ESRRB: variants seen among roughly 807,000 people sequenced by gnomAD.
ESRRB encodes the protein steroid hormone receptor ERR2.
In ESRRB, 16 loss-of-function variants were observed where a neutral mutation model predicts 46.0. The observed-to-expected ratio is 0.35, with a 90% CI of 0.24 to 0.53. The LOEUF is 0.53. ESRRB is among the 20% of genes least tolerant of loss of function. ESRRB has a pLI of 0.93. For synonymous variants in ESRRB, 246 were observed against 259.6 expected (o/e 0.95, Z 0.50); for missense variants, 488 against 607.4 (o/e 0.80, Z 2.07).
chr14:76,491,402 G>C lies in ESRRB; in HGVS notation c.851-45G>C, dbSNP rs2361292. On this transcript the variant is annotated intron_variant, in intron 5 of 6. Coordinates refer to ENST00000644823, the MANE Select transcript of ESRRB (RefSeq NM_001379180.1). ...CGAGCCCCAGGGAGGCCCCTGGTCC[G>C]CCCTCCTGACCTGCTGCTGCCCTCT... The C allele has an allele frequency of 0.36, 576,949 of 1,595,078 alleles. 105,880 individuals are homozygous for C. The highest frequency in any genetic ancestry group is 0.44 in the African/African-American group (32,518 of 74,684).
At chr14:76,414,679 A>AC (rs1429654925) in intron 1 of ESRRB, among the ~76,000 whole-genome samples, 111 of 142,376 alleles carry the variant, frequency 7.8e-4, no homozygotes, top group African/African-American at 2.9e-3. Flanking sequence ...AAAAAAAAAA[A>AC]AAAAAAAAAA....
At chr14:76,363,941 C>T (rs1001176823) in intron 1 of ESRRB, among the ~76,000 whole-genome samples, 7 of 152,144 alleles carry the variant, frequency 4.6e-5, no homozygotes, top group Non-Finnish European at 7.3e-5. Flanking sequence ...ATTTTCTCCT[C>T]AGTAAATAAA....
Position 76,439,598 on chromosome 14 carries a change from G to C in ESRRB, c.308G>C (p.Gly103Ala). The C allele has an allele frequency of 6.2e-7, 1 of 1,614,212 alleles. No homozygotes were observed. The highest frequency in any genetic ancestry group is 8.5e-7 in the Non-Finnish European group (1 of 1,180,026). ...AAGAGCTACGAGGACTGTGCCAGCG[G>C]CATCATGGAGGACTCGGCCATCAAG... is the stretch of plus-strand genomic sequence containing the variant. ...CRKSYEDCAS[G>A]IMEDSAIKCE... The change falls in exon 2 of 7, where the codon GGC becomes GCC. Residue 103 changes from glycine (G) to alanine (A), a missense_variant. By Grantham distance (60) the Gly-to-Ala change is moderately conservative. Coordinates refer to ENST00000644823, the MANE Select transcript of ESRRB (RefSeq NM_001379180.1).
At chr14:76,406,977 C>T (rs1405444616) in intron 1 of ESRRB, among the ~76,000 whole-genome samples, 2 of 152,248 alleles carry the variant, frequency 1.3e-5, no homozygotes, top group Non-Finnish European at 2.9e-5. Context: ...CACCTAAAGG[C>T]TCCACAATAA....
chr14:76,324,508 C>T (rs189849273), intron 1 of ESRRB, among the ~76,000 whole-genome samples: 2 of 152,278 alleles, frequency 1.3e-5, no homozygotes, highest in East Asian at 3.9e-4. Flanking sequence ...CATCCCCTCC[C>T]TCTCTGTGGG....
rs1195430376 is a variant in ESRRB, at chr14:76,317,308, CTCTGTGTGTGTG to C, written c.2+6394_2+6405del. Among the ~76,000 whole-genome samples the C allele has an allele frequency of 1.4e-3, 171 of 125,234 alleles. 2 individuals carry two copies. The highest frequency in any genetic ancestry group is 5.3e-3 in the African/African-American group (166 of 31,092). 82.2% of individuals were successfully genotyped at this position (125,234 alleles called of 152,430 possible). On this transcript the variant is annotated intron_variant, in intron 1 of 6. Transcript: ENST00000512784. ...AGGAGTAAAATTATTGCTGATTAGG[CTCTGTGTGTGTG>C]TGTGTGTGTGTGTGTGTGTGTGTGT...
At chr14:76,318,655 G>A (rs755200661) in intron 1 of ESRRB, among the ~76,000 whole-genome samples, 3 of 152,146 alleles carry the variant, frequency 2.0e-5, no homozygotes, top group Non-Finnish European at 2.9e-5. Flanking sequence ...GAGTTGTTGC[G>A]AGAATTAAAG....
At chr14:76,368,828 A>T (rs561226003), upstream of ESRRB, among the ~76,000 whole-genome samples, 4 of 152,282 alleles carry the variant, frequency 2.6e-5, no homozygotes, top group East Asian at 7.7e-4. Flanking sequence ...CACCAATGGG[A>T]CTGTTTTAAT....
At chr14:76,331,043 A>G (rs1177185294) in intron 1 of ESRRB, among the ~76,000 whole-genome samples, 1 of 152,094 alleles carries the variant, frequency 6.6e-6, no homozygotes, top group Admixed American at 6.5e-5. Context: ...CCTTGCTCAC[A>G]CTGGAACTTG....
At chr14:76,392,739 C>T (rs1248725913) in intron 1 of ESRRB, among the ~76,000 whole-genome samples, 3 of 152,228 alleles carry the variant, frequency 2.0e-5, no homozygotes, top group African/African-American at 7.2e-5. Flanking sequence ...GGCCTCATCC[C>T]AGTATGGCTG....
chr14:76,472,909 C>T (rs1443970445), intron 3 of ESRRB, among the ~76,000 whole-genome samples: 1 of 152,228 alleles, frequency 6.6e-6, no homozygotes, highest in East Asian at 1.9e-4. Flanking sequence ...CCAGACCTGG[C>T]ACATAATTAG....
intron 3 of ESRRB, among the ~76,000 whole-genome samples, chr14:76,464,503 G>C (rs995768035): frequency 6.6e-6 from 1 of 152,126 alleles, no homozygotes; most frequent in Non-Finnish European, 1.5e-5. Flanking sequence ...GCAGGCCCTC[G>C]GCGGCCTTTG....
chr14:76,461,197 C>T (rs560568126), intron 2 of ESRRB, among the ~76,000 whole-genome samples: 1 of 152,272 alleles, frequency 6.6e-6, no homozygotes, highest in Admixed American at 6.5e-5. Context: ...GCTGGAAGGT[C>T]AGTTCAACCT....
chr14:76,313,533 G>T (rs561506360), intron 1 of ESRRB, among the ~76,000 whole-genome samples: 1 of 152,312 alleles, frequency 6.6e-6, no homozygotes, highest in South Asian at 2.1e-4. Flanking sequence ...ATTGGGGACA[G>T]TGGGGGCAAT....
At chr14:76,361,427 T>C (rs1318320081) in intron 1 of ESRRB, among the ~76,000 whole-genome samples, 2 of 152,148 alleles carry the variant, frequency 1.3e-5, no homozygotes, top group Admixed American at 6.5e-5. Flanking sequence ...AAAGTTTCCT[T>C]TGGAGCAGAA....
At chr14:76,462,698 C>G in intron 3 of ESRRB, 37 bp downstream of exon 3, 2 of 1,491,686 alleles carry the variant, frequency 1.3e-6, no homozygotes, top group Non-Finnish European at 1.9e-6. Flanking sequence ...CACTGTGAGG[C>G]TCTGCTTGCT....
chr14:76,465,889 A>G (rs188606752), intron 3 of ESRRB, among the ~76,000 whole-genome samples: 1 of 152,340 alleles, frequency 6.6e-6, no homozygotes, highest in African/African-American at 2.4e-5. Context: ...TGTCCCCTGC[A>G]GGGCCTTGGA....
At chr14:76,378,927 C>T (rs756395424) in intron 1 of ESRRB, among the ~76,000 whole-genome samples, 20 of 152,078 alleles carry the variant, frequency 1.3e-4, no homozygotes, top group Admixed American at 4.6e-4. Context: ...TAAGTGGGTT[C>T]GTGTATGCTC....
rs1460396861 is a variant in ESRRB at position 76,501,090 on chromosome 14, ACCTTCCCC to A, written c.*2634_*2641del. 4 of 298,916 alleles carry A rather than the reference ACCTTCCCC, an allele frequency of 1.3e-5. No individual in the cohort carries two copies. Among genetic ancestry groups the A allele is most frequent in the African/African-American group, 8.5e-5 (4 of 47,186 alleles). 18.5% of individuals were successfully genotyped at this position (298,916 alleles called of 1,614,324 possible). A position where few individuals can be genotyped will look rare whatever the true frequency, so the allele number is the denominator to read the frequency against. On this transcript the variant is annotated 3_prime_UTR_variant, in exon 7 of 7. Transcript: ENST00000644823. ...GGTGAAGTGAGGAGAGTTTAGGGGA[ACCTTCCCC>A]CAGTGGAACAGATCTCAAGTTTACC...
Sources: gnomAD v4.1 joint callset for allele counts (sites outside exome capture counted in the v4.1 genomes callset) on GRCh38, gnomAD v4.1.1 for gene constraint, MANE v1.5 for transcripts, NCBI Gene and HGNC (gene_info 2026-07-23, HGNC 2026-07-21) for gene names.